KCNH7: variants seen among roughly 807,000 people sequenced by gnomAD.
KCNH7 encodes the protein potassium voltage-gated channel subfamily H member 7.
In KCNH7, 49 loss-of-function variants were observed where a neutral mutation model predicts 120.8. That is an observed-to-expected ratio of 0.41 (90% confidence interval 0.32 to 0.51). The LOEUF (loss-of-function observed/expected upper bound fraction) is 0.51, where lower values mean the gene tolerates loss of function less well. Among genes scored for constraint, KCNH7 ranks in the 20% least tolerant of loss-of-function variants. KCNH7 has a pLI of 0.38. For missense variants in KCNH7, 1,097 were observed against 1,446.6 expected (o/e 0.76, Z 3.92); for synonymous variants, 547 against 516.1 (o/e 1.06, Z -0.81).
intron 2 of KCNH7, among the ~76,000 whole-genome samples, chr2:162,652,762 G>C (rs1447329343): frequency 2.0e-5 from 3 of 152,096 alleles, no homozygotes; most frequent in Admixed American, 6.6e-5. Context: ...GTGCACTTTA[G>C]ATACTTTATA....
chr2:162,621,902 CTTTTA>C (rs1018696919), intron 2 of KCNH7, among the ~76,000 whole-genome samples: 9 of 152,070 alleles, frequency 5.9e-5, no homozygotes, highest in Non-Finnish European at 1.0e-4. Flanking sequence ...ACAAATATTT[CTTTTA>C]TGAGAAAATT....
chr2:162,382,221 A>C (rs1686438433), intron 13 of KCNH7, among the ~76,000 whole-genome samples: 1 of 152,024 alleles, frequency 6.6e-6, no homozygotes, highest in Non-Finnish European at 1.5e-5. Flanking sequence ...AGGGCTCAAG[A>C]AAAAATAATT....
chr2:162,711,935 T>C (rs1574294862), intron 2 of KCNH7, among the ~76,000 whole-genome samples: 1 of 152,114 alleles, frequency 6.6e-6, no homozygotes, highest in Non-Finnish European at 1.5e-5. Context: ...AGGGAGAAAA[T>C]GACAAAAGGA....
intron 2 of KCNH7, among the ~76,000 whole-genome samples, chr2:162,576,912 T>G (rs1693690309): frequency 6.6e-6 from 1 of 151,870 alleles, no homozygotes; most frequent in Admixed American, 6.6e-5. Flanking sequence ...TCTTCTTTAT[T>G]TATTTATTTA....
At chr2:162,430,857 A>G (rs1377455105) in intron 8 of KCNH7, among the ~76,000 whole-genome samples, 2 of 151,830 alleles carry the variant, frequency 1.3e-5, no homozygotes, top group African/African-American at 4.8e-5. Context: ...CGTGTTTTTA[A>G]AAATTAAATA....
chr2:162,579,630 C>T (rs1013396733), intron 2 of KCNH7, among the ~76,000 whole-genome samples: 1 of 151,948 alleles, frequency 6.6e-6, no homozygotes, highest in African/African-American at 2.4e-5. Context: ...AGATAAACTG[C>T]CCCTGCAGCA....
At chr2:162,448,343 T>C (rs1012672101) in intron 6 of KCNH7, among the ~76,000 whole-genome samples, 4 of 152,056 alleles carry the variant, frequency 2.6e-5, no homozygotes, top group African/African-American at 7.2e-5. Flanking sequence ...GAAAGCAAAA[T>C]ACACAGCTTT....
At chr2:162,593,411 C>T (rs1378377162) in intron 2 of KCNH7, among the ~76,000 whole-genome samples, 2 of 152,024 alleles carry the variant, frequency 1.3e-5, no homozygotes, top group Non-Finnish European at 2.9e-5. Flanking sequence ...TCCAAATGCT[C>T]ACAATAAGCA....
chr2:162,808,755 T>C (rs903581856), intron 2 of KCNH7, among the ~76,000 whole-genome samples: 11 of 151,648 alleles, frequency 7.3e-5, no homozygotes, highest in Non-Finnish European at 1.3e-4. Context: ...ATACATATAA[T>C]AAAAGAATAC....
chr2:162,477,698 C>T (rs558292648), intron 6 of KCNH7, among the ~76,000 whole-genome samples: 55 of 152,152 alleles, frequency 3.6e-4, no homozygotes, highest in South Asian at 2.1e-3. Context: ...AATACTATTC[C>T]CCTCTTAAAA....
At chr2:162,496,720 C>T (rs1690510762) in intron 6 of KCNH7, among the ~76,000 whole-genome samples, 1 of 152,098 alleles carries the variant, frequency 6.6e-6, no homozygotes, top group Non-Finnish European at 1.5e-5. Flanking sequence ...AGTGAAGAAT[C>T]AATGAGTCTT....
Position 162,598,978 on chromosome 2 carries a change from G to T in KCNH7, c.308-61898C>A, listed in dbSNP as rs370976834. Among the ~76,000 whole-genome samples the T allele has an allele frequency of 7.9e-5, 12 of 152,116 alleles. No homozygotes were observed. In the South Asian group the frequency reaches 2.3e-3, roughly 29 times the overall value. ...TGCTTTGAAAGCTTATGTGAAGGCT[G>T]GGCGCAGTGGCTCATGCCTGTAATC... On this transcript the variant is annotated intron_variant, in intron 2 of 15. Coordinates refer to ENST00000332142, the MANE Select transcript of KCNH7 (RefSeq NM_033272.4).
intron 2 of KCNH7, among the ~76,000 whole-genome samples, chr2:162,622,406 CT>C (rs930876003): frequency 6.6e-6 from 1 of 152,248 alleles, no homozygotes; most frequent in Non-Finnish European, 1.5e-5. Flanking sequence ...CTATTTTGTT[CT>C]TTTTTTATTA....
chr2:162,396,014 T>C (rs1038225875), intron 11 of KCNH7, among the ~76,000 whole-genome samples: 1 of 151,728 alleles, frequency 6.6e-6, no homozygotes, highest in African/African-American at 2.4e-5. Context: ...GGAAAAGGGA[T>C]GGAAGAGGAA....
intron 13 of KCNH7, among the ~76,000 whole-genome samples, chr2:162,380,830 C>A (rs1037063900): frequency 6.6e-6 from 1 of 151,982 alleles, no homozygotes; most frequent in Non-Finnish European, 1.5e-5. Flanking sequence ...GACCATAGAC[C>A]CCGAACTTGA....
At chr2:162,784,344 CAG>C (rs1381933721) in intron 2 of KCNH7, among the ~76,000 whole-genome samples, 3 of 152,080 alleles carry the variant, frequency 2.0e-5, no homozygotes, top group African/African-American at 7.2e-5. Flanking sequence ...ACCACTTCCT[CAG>C]AGACAGTAGC....
At chr2:162,679,028 T>C (rs189958420) in intron 2 of KCNH7, among the ~76,000 whole-genome samples, 12 of 151,770 alleles carry the variant, frequency 7.9e-5, no homozygotes, top group African/African-American at 2.7e-4. Context: ...AAATGTACTT[T>C]AATGCTGAGG....
chr2:162,458,504 T>G (rs1198629343), intron 6 of KCNH7, among the ~76,000 whole-genome samples: 1 of 152,160 alleles, frequency 6.6e-6, no homozygotes, highest in Non-Finnish European at 1.5e-5. Flanking sequence ...AGTCTAATGC[T>G]TGTTTCCTTG....
intron 2 of KCNH7, among the ~76,000 whole-genome samples, chr2:162,578,977 C>T (rs1693778827): frequency 3.3e-5 from 5 of 151,314 alleles, no homozygotes; most frequent in Admixed American, 6.6e-5. Flanking sequence ...GTTATGTCTA[C>T]GCATCTACTG....
Sources: allele counts gnomAD v4.1 joint callset (sites outside exome capture counted in the v4.1 genomes callset), GRCh38; gene constraint gnomAD v4.1.1; transcripts MANE v1.5; gene names NCBI Gene and HGNC (gene_info 2026-07-23, HGNC 2026-07-21).